GPC5: variants seen among roughly 807,000 people sequenced by gnomAD.
The protein encoded by GPC5 is glypican 5, also known as glypican-5.
GPC5 carries 47 observed loss-of-function variants against 53.9 expected under a neutral mutation model. The ratio of observed to expected loss-of-function variants is 0.87; its 90% CI spans 0.69 to 1.11. The LOEUF (loss-of-function observed/expected upper bound fraction) is 1.11. Among genes scored for constraint, GPC5 ranks in the 50% most tolerant of loss-of-function variants. GPC5 has a pLI of 0.00. For missense variants in GPC5, 748 were observed against 713.1 expected (o/e 1.05, Z -0.56); for synonymous variants, 286 against 263.3 (o/e 1.09, Z -0.84).
intron 7 of GPC5, among the ~76,000 whole-genome samples, chr13:92,339,438 G>A (rs180782451): frequency 3.9e-5 from 6 of 152,032 alleles, no homozygotes; most frequent in Admixed American, 1.3e-4. Flanking sequence ...TGGATAAGAC[G>A]GGCTCATCTT....
At chr13:92,779,605 A>G (rs1875947464) in intron 7 of GPC5, among the ~76,000 whole-genome samples, 1 of 151,994 alleles carries the variant, frequency 6.6e-6, no homozygotes, top group African/African-American at 2.4e-5. Flanking sequence ...CCATCTTCCC[A>G]CCTCTTTATC....
intron 7 of GPC5, among the ~76,000 whole-genome samples, chr13:92,210,533 G>A (rs993872025): frequency 2.0e-5 from 3 of 151,978 alleles, no homozygotes; most frequent in East Asian, 1.9e-4. Context: ...ATCTTCAGGC[G>A]AACTAGTGAA....
At chr13:92,031,306 G>C (rs1483033933) in intron 6 of GPC5, among the ~76,000 whole-genome samples, 1 of 152,022 alleles carries the variant, frequency 6.6e-6, no homozygotes, top group Non-Finnish European at 1.5e-5. Context: ...TTCCAACTCT[G>C]ACTTCACCTT....
At chr13:92,352,001 A>G (rs2043482152) in intron 7 of GPC5, among the ~76,000 whole-genome samples, 1 of 152,232 alleles carries the variant, frequency 6.6e-6, no homozygotes. Context: ...AACAAAGAAT[A>G]TATAAGATGC....
At chr13:92,577,172 G>A (rs1327568580) in intron 7 of GPC5, among the ~76,000 whole-genome samples, 1 of 152,140 alleles carries the variant, frequency 6.6e-6, no homozygotes, top group African/African-American at 2.4e-5. Context: ...TATCTGCCAT[G>A]CTTCTCTGTT....
chr13:91,575,085 C>A lies in GPC5; in HGVS notation c.326-118102C>A, dbSNP rs543558924. 1.3e-5 allele frequency among the ~76,000 whole-genome samples: 2 copies of A among 152,086 alleles called. 1 individual carries two copies. The highest frequency in any genetic ancestry group is 4.2e-4 in the South Asian group (2 of 4,818). On this transcript the variant is annotated intron_variant, in intron 2 of 7. Transcript: ENST00000377067. ...TCTGAAGAGTAGTGACTGCATGTAC[C>A]ACATTCTATAATATTTGACTATTGA...
At chr13:91,865,604 A>G (rs1327119063) in intron 5 of GPC5, among the ~76,000 whole-genome samples, 1 of 152,108 alleles carries the variant, frequency 6.6e-6, no homozygotes, top group Non-Finnish European at 1.5e-5. Flanking sequence ...CATTTTTTTT[A>G]AACTTCTGAA....
intron 2 of GPC5, among the ~76,000 whole-genome samples, chr13:91,545,342 A>T (rs2030219868): frequency 6.6e-6 from 1 of 152,194 alleles, no homozygotes; most frequent in Admixed American, 6.5e-5. Context: ...ATGCTTTTGG[A>T]TGTGGACTGT....
At chr13:91,564,064 C>G (rs1488772817) in intron 2 of GPC5, among the ~76,000 whole-genome samples, 1 of 152,156 alleles carries the variant, frequency 6.6e-6, no homozygotes, top group Non-Finnish European at 1.5e-5. Flanking sequence ...ATCTAGGAAT[C>G]TGGACAAAGT....
rs897715617 is a variant in GPC5 at position 91,693,752 on chromosome 13, G to A, written c.891G>A (p.Arg297=). The A allele has an allele frequency of 3.1e-6, 5 of 1,614,134 alleles. No individual in the cohort carries two copies. The highest frequency in any genetic ancestry group is 1.3e-5 in the African/African-American group (1 of 75,044). The stretch of plus-strand genomic sequence containing the variant: ...ATCCACACTGGCATGCATATATCCG[G>A]TCGTTGGAAGAACTCTCGGATGCAA... The part of the protein sequence containing the change: ...ELNPHWHAYI[R]SLEELSDAMH... Residue 297 remains arginine, a synonymous_variant, in exon 3 of 8, where the codon CGG becomes CGA. Transcript: ENST00000377067.
At chr13:92,777,022 CAAAA>C in intron 7 of GPC5, among the ~76,000 whole-genome samples, 1 of 26,680 alleles carries the variant, frequency 3.7e-5, no homozygotes, top group African/African-American at 1.5e-4. Flanking sequence ...GACCCTGCCT[CAAAA>C]AAAAAAAAAA....
intron 6 of GPC5, among the ~76,000 whole-genome samples, chr13:92,050,270 TG>T (rs987710300): frequency 1.3e-4 from 20 of 152,164 alleles, no homozygotes; most frequent in Non-Finnish European, 2.9e-4. Context: ...TATGTAATTT[TG>T]TTTTGTTTTG....
chr13:91,531,772 G>A (rs1420449974), intron 2 of GPC5, among the ~76,000 whole-genome samples: 4 of 152,118 alleles, frequency 2.6e-5, no homozygotes, highest in African/African-American at 9.7e-5. Flanking sequence ...AGCTTTAAAG[G>A]GTAAATACTT....
Position 92,823,271 on chromosome 13 carries a change from C to T in GPC5, c.1562-43011C>T, listed in dbSNP as rs572731102. Among the ~76,000 whole-genome samples, 5 of 152,204 alleles carry T rather than the reference C, an allele frequency of 3.3e-5. No homozygotes were observed. The South Asian group carries it at 6.2e-4, about 19-fold the overall frequency. On this transcript the variant is annotated intron_variant, in intron 7 of 7. Coordinates refer to ENST00000377067, the MANE Select transcript of GPC5 (RefSeq NM_004466.6). Reference sequence around the variant, plus strand: ...CAGACAGCTGTGCAAATAAAGCATTCTTTCTAAATGTCAGTTCCTGTGTAA... The same window carrying T: ...CAGACAGCTGTGCAAATAAAGCATTTTTTCTAAATGTCAGTTCCTGTGTAA...
In GPC5 at chr13:92,104,749, C is replaced by T. The variant is rs537495472; in HGVS notation, c.1402-40081C>T. 2.1e-3 allele frequency among the ~76,000 whole-genome samples: 316 copies of T among 152,064 alleles called. 2 individuals are homozygous for T. Among genetic ancestry groups the T allele is most frequent in the Admixed American group, 3.5e-3 (54 of 15,266 alleles). On this transcript the variant is annotated intron_variant, in intron 6 of 7. Coordinates refer to ENST00000377067, the MANE Select transcript of GPC5 (RefSeq NM_004466.6). ...TTATAGATCTTTGTGCCTCAGAGGT[C>T]CTTACTGAGAGTTTTAATCCAGATC...
At chr13:91,700,170 T>A (rs769405332) in intron 3 of GPC5, among the ~76,000 whole-genome samples, 2 of 152,098 alleles carry the variant, frequency 1.3e-5, no homozygotes, top group Admixed American at 6.6e-5. Flanking sequence ...GGAGTGGTGA[T>A]AGTGGTGAGT....
intron 5 of GPC5, among the ~76,000 whole-genome samples, chr13:91,857,215 CTATTA>C (rs1044488294): frequency 3.3e-5 from 5 of 151,292 alleles, no homozygotes; most frequent in African/African-American, 1.2e-4. Flanking sequence ...TTTTATCTTT[CTATTA>C]TAAGTCCTGT....
At chr13:92,134,078 G>A (rs962714842) in intron 6 of GPC5, among the ~76,000 whole-genome samples, 3 of 152,118 alleles carry the variant, frequency 2.0e-5, no homozygotes, top group African/African-American at 7.2e-5. Flanking sequence ...GTAGAGTGTG[G>A]TTAATAGAAT....
At position 92,335,835 on chromosome 13, in the gene GPC5, C is replaced by T. The variant is rs147021904; in HGVS notation, c.1561+190846C>T. Among the ~76,000 whole-genome samples, 869 of 152,278 alleles carry T rather than the reference C, an allele frequency of 5.7e-3. 3 individuals carry two copies. The highest frequency in any genetic ancestry group is 8.8e-3 in the Non-Finnish European group (596 of 68,020). ...CTGGACTTTTTTGTCCATATCACCT[C>T]AGCATTTTGGTAAAGTCATTCAACA... On this transcript the variant is annotated intron_variant, in intron 7 of 7. Transcript: ENST00000377067.
Sources: gnomAD v4.1 joint callset for allele counts (sites outside exome capture counted in the v4.1 genomes callset) on GRCh38, gnomAD v4.1.1 for gene constraint, MANE v1.5 for transcripts, NCBI Gene and HGNC (gene_info 2026-07-23, HGNC 2026-07-21) for gene names.